DMRT1: variants seen among roughly 807,000 people sequenced by gnomAD.
The protein encoded by DMRT1 is doublesex- and mab-3-related transcription factor 1.
In DMRT1, 7 loss-of-function variants were observed where a neutral mutation model predicts 32.3. The ratio of observed to expected loss-of-function variants is 0.22; its 90% confidence interval spans 0.12 to 0.41. The LOEUF is 0.41. Among genes scored for constraint, DMRT1 ranks in the 10% least tolerant of loss-of-function variants. DMRT1 has a pLI of 1.00. For synonymous variants in DMRT1, 278 were observed against 206.1 expected (o/e 1.35, Z -2.99); for missense variants, 625 against 500.5 (o/e 1.25, Z -2.37).
intron 2 of DMRT1, among the ~76,000 whole-genome samples, chr9:878,583 G>T (rs1298310175): frequency 6.6e-6 from 1 of 152,166 alleles, no homozygotes; most frequent in African/African-American, 2.4e-5. Flanking sequence ...AGGAGTGGAA[G>T]ATTCCAAGTT....
chr9:883,427 T>A (rs1219529708), intron 2 of DMRT1, among the ~76,000 whole-genome samples: 1 of 151,914 alleles, frequency 6.6e-6, no homozygotes, highest in East Asian at 1.9e-4. Context: ...GTGAGGAGCA[T>A]CCCAGTGCCA....
intron 2 of DMRT1, among the ~76,000 whole-genome samples, chr9:857,830 T>A (rs919086329): frequency 9.0e-5 from 12 of 133,524 alleles, no homozygotes; most frequent in Non-Finnish European, 1.9e-4. Context: ...CCTGTGTCCA[T>A]GTGTTCTCAT....
chr9:924,527 C>T (rs1818460780), intron 4 of DMRT1, among the ~76,000 whole-genome samples: 1 of 152,106 alleles, frequency 6.6e-6, no homozygotes, highest in East Asian at 1.9e-4. Flanking sequence ...TTTACCGTGG[C>T]TTATGTATCT....
chr9:947,633 TA>T, intron 4 of DMRT1, among the ~76,000 whole-genome samples: 1 of 152,132 alleles, frequency 6.6e-6, no homozygotes, highest in Non-Finnish European at 1.5e-5. Context: ...ATTTTTATTT[TA>T]TTTTTTTGAG....
chr9:893,684 G>C (rs1166733946), intron 2 of DMRT1, among the ~76,000 whole-genome samples: 1 of 152,208 alleles, frequency 6.6e-6, no homozygotes, highest in Non-Finnish European at 1.5e-5. Context: ...AAATGGTTTT[G>C]ATACTCTCAG....
rs1027426650 is a variant in DMRT1 at position 857,446 on chromosome 9, G to A, written c.538+10303G>A. On this transcript the variant is annotated intron_variant, in intron 2 of 4. Transcript: ENST00000382276. ...GTGGAAGTAAAGCAATTCATAAAGG[G>A]ACCTGGAGAGAGTTTTTCTTTGCTG... 1.2e-4 allele frequency among the ~76,000 whole-genome samples: 18 copies of A among 152,244 alleles called. No homozygotes were observed. The South Asian group carries it at 1.2e-3, about 11-fold the overall frequency.
intron 2 of DMRT1, among the ~76,000 whole-genome samples, chr9:890,672 A>T (rs575829425): frequency 6.6e-6 from 1 of 152,048 alleles, no homozygotes; most frequent in Admixed American, 6.5e-5. Flanking sequence ...TCATGAGCCA[A>T]TTCTGTCTGC....
intron 2 of DMRT1, among the ~76,000 whole-genome samples, chr9:864,706 T>C (rs1479263529): frequency 6.6e-6 from 1 of 150,818 alleles, no homozygotes; most frequent in East Asian, 2.0e-4. Flanking sequence ...TTCACCATGT[T>C]AGCCAGGATG....
At chr9:917,357 A>G (rs1269064446) in intron 4 of DMRT1, among the ~76,000 whole-genome samples, 2 of 152,218 alleles carry the variant, frequency 1.3e-5, no homozygotes, top group Non-Finnish European at 2.9e-5. Context: ...AATACAATAG[A>G]TCTCAGAGTT....
chr9:846,095 G>T (rs544833097), intron 1 of DMRT1, among the ~76,000 whole-genome samples: 2 of 149,542 alleles, frequency 1.3e-5, no homozygotes, highest in Non-Finnish European at 3.0e-5. Flanking sequence ...GCAGTGTCGC[G>T]ATCTCGGCTC....
chr9:885,159 A>G (rs1010136778), intron 2 of DMRT1, among the ~76,000 whole-genome samples: 5 of 152,188 alleles, frequency 3.3e-5, no homozygotes, highest in Non-Finnish European at 5.9e-5. Flanking sequence ...CTCCGACCCC[A>G]TGGCAGTGTC....
At chr9:893,349 A>G (rs1360047986) in intron 2 of DMRT1, among the ~76,000 whole-genome samples, 1 of 152,252 alleles carries the variant, frequency 6.6e-6, no homozygotes, top group African/African-American at 2.4e-5. Flanking sequence ...ATGCTGCAGC[A>G]GTGATTGAAT....
chr9:882,706 T>C (rs1816778607), intron 2 of DMRT1, among the ~76,000 whole-genome samples: 3 of 151,728 alleles, frequency 2.0e-5, no homozygotes, highest in Admixed American at 2.0e-4. Flanking sequence ...GTCATCTTCC[T>C]GCTTGATTTC....
At chr9:868,529 C>A (rs925694065) in intron 2 of DMRT1, among the ~76,000 whole-genome samples, 4 of 152,188 alleles carry the variant, frequency 2.6e-5, no homozygotes, top group African/African-American at 4.8e-5. Flanking sequence ...GGGTTTCAAT[C>A]GCAGTTCCAG....
At chr9:850,787 G>A (rs113138558) in intron 2 of DMRT1, among the ~76,000 whole-genome samples, 2,554 of 152,228 alleles carry the variant, frequency 0.017, 79 homozygotes, top group African/African-American at 0.057. Flanking sequence ...CCAGCACTTT[G>A]GGAGGCCAAG....
intron 2 of DMRT1, among the ~76,000 whole-genome samples, chr9:875,108 C>A (rs1816441819): frequency 6.6e-6 from 1 of 152,180 alleles, no homozygotes; most frequent in Non-Finnish European, 1.5e-5. Flanking sequence ...CCGCGCCCGG[C>A]CAACACTTAA....
rs1257017237 is a variant in DMRT1 at position 848,621 on chromosome 9, T to G, written c.538+1478T>G. ...CAGGCTGGAGTGCAGTGGTGTGATC[T>G]TGGCTCACTGCAACCTCCACCTCCT... On this transcript the variant is annotated intron_variant, in intron 2 of 4. Transcript: ENST00000382276. Among the ~76,000 whole-genome samples, 4 of 149,884 alleles carry G rather than the reference T, an allele frequency of 2.7e-5. No homozygotes were observed. The South Asian group carries it at 8.5e-4, about 32-fold the overall frequency.
At chr9:883,821 T>TA (rs1430410103) in intron 2 of DMRT1, among the ~76,000 whole-genome samples, 1 of 151,766 alleles carries the variant, frequency 6.6e-6, no homozygotes, top group Non-Finnish European at 1.5e-5. Flanking sequence ...GAAAACAACT[T>TA]ACGCTTTTGC....
At chr9:897,772 T>C (rs1190543945) in intron 3 of DMRT1, among the ~76,000 whole-genome samples, 2 of 152,180 alleles carry the variant, frequency 1.3e-5, no homozygotes, top group Non-Finnish European at 2.9e-5. Context: ...TTTGTTCATA[T>C]GTATTTTCGT....
Sources: gnomAD v4.1 joint callset for allele counts (sites outside exome capture counted in the v4.1 genomes callset) on GRCh38, gnomAD v4.1.1 for gene constraint, MANE v1.5 for transcripts, NCBI Gene and HGNC (gene_info 2026-07-23, HGNC 2026-07-21) for gene names.